M1AP: variants seen among roughly 807,000 people sequenced by gnomAD.
The protein encoded by M1AP is meiosis 1 arrest protein.
Under a neutral mutation model 51.2 loss-of-function variants are expected in M1AP, and 39 were observed. That is an observed-to-expected ratio of 0.76 (90% confidence interval 0.59 to 1.00). The LOEUF is 1.00. Ranked by LOEUF, M1AP falls within the 50% of genes least tolerant of loss-of-function variation. The pLI is 0.00. For synonymous variants in M1AP, 251 were observed against 249.2 expected (o/e 1.01, Z -0.07); for missense variants, 545 against 641.2 (o/e 0.85, Z 1.62).
At chr2:74,561,202 G>GAGGAGGAGGAGGAGA (rs1558643853) in intron 8 of M1AP, among the ~76,000 whole-genome samples, 13 of 120,516 alleles carry the variant, frequency 1.1e-4, no homozygotes, top group Middle Eastern at 4.1e-3. Flanking sequence ...GGAGGAGAAG[G>GAGGAGGAGGAGGAGA]AGGAGGAGGA....
In M1AP at chr2:74,575,564, G is replaced by A. The variant is rs749441207; in HGVS notation, c.948C>T (p.Ser316=). ...KLQVIKALKS[S]GLCESLTYGL... The stretch of plus-strand genomic sequence containing the variant: ...CATATGTCAATGACTCGCAGAGCCC[G>A]CTAGATTTTAAAGCCCTAGGAAGAG... The change falls in exon 7 of 11, where the codon AGC becomes AGT. Residue 316 remains serine, a synonymous_variant. Coordinates refer to ENST00000421985, the MANE Select transcript of M1AP (RefSeq NM_001321739.2). The A allele has an allele frequency of 2.0e-5, 32 of 1,613,708 alleles. No homozygotes were observed. Among genetic ancestry groups the A allele is most frequent in the South Asian group, 5.5e-5 (5 of 91,072 alleles).
chr2:74,593,329 A>C (rs918203061), intron 4 of M1AP, among the ~76,000 whole-genome samples: 1 of 152,234 alleles, frequency 6.6e-6, no homozygotes. Flanking sequence ...GTACCCAACA[A>C]ACTGATTTTC....
Position 74,594,748 on chromosome 2 carries a change from G to A in M1AP, c.595+12307C>T, listed in dbSNP as rs1055309002. ...AAAAATTAGCTGGGTGTGGTAGCAC[G>A]AGCCTGTGGTCCCAGCTACTTGGGA... On this transcript the variant is annotated intron_variant, in intron 4 of 10. Transcript: ENST00000421985. 2.9e-4 allele frequency among the ~76,000 whole-genome samples: 44 copies of A among 152,076 alleles called. 1 individual carries two copies. Among genetic ancestry groups the A allele is most frequent in the Admixed American group, 2.8e-3 (42 of 15,246 alleles).
chr2:74,615,262 ATTTAT>A, intron 2 of M1AP, 113 bp from the exon 3 acceptor site: 1 of 953,268 alleles, frequency 1.0e-6, no homozygotes, highest in Non-Finnish European at 1.6e-6. Flanking sequence ...CTTCCTGAAA[ATTTAT>A]TTGACCAACA....
At chr2:74,562,132 C>G in intron 8 of M1AP, 85 bp downstream of exon 8, 1 of 1,517,874 alleles carries the variant, frequency 6.6e-7, no homozygotes, top group South Asian at 1.3e-5. Flanking sequence ...CATCCATTCC[C>G]TCATGGGCTC....
In M1AP at chr2:74,581,130, G is replaced by A. The variant is rs570135332; in HGVS notation, c.769+544C>T. Among the ~76,000 whole-genome samples, 94 of 152,254 alleles carry A rather than the reference G, an allele frequency of 6.2e-4. 1 individual carries two copies. Among genetic ancestry groups the A allele is most frequent in the Middle Eastern group, 3.4e-3 (1 of 294 alleles). ...GACCAGAACACTGGATTGATCTCTCGGTTTCAGTAATTGCCTGAACTGCTT... is the reference window on the plus strand; with the variant it reads ...GACCAGAACACTGGATTGATCTCTCAGTTTCAGTAATTGCCTGAACTGCTT... On this transcript the variant is annotated intron_variant, in intron 5 of 10. Coordinates refer to ENST00000421985, the MANE Select transcript of M1AP (RefSeq NM_001321739.2).
rs541993045 is a variant in M1AP, at chr2:74,606,781, G to C, written c.595+274C>G. Among the ~76,000 whole-genome samples the C allele has an allele frequency of 7.2e-5, 11 of 152,176 alleles. No individual in the cohort carries two copies. The East Asian group carries it at 1.9e-3, about 27-fold the overall frequency. On this transcript the variant is annotated intron_variant, in intron 4 of 10. Transcript: ENST00000421985. ...TCAACTCCAACATCTAGAAACATCT[G>C]TCTGAACCTCAGTGAAATCTGCTGG...
intron 7 of M1AP, among the ~76,000 whole-genome samples, chr2:74,566,812 C>T (rs1678424513): frequency 6.6e-6 from 1 of 152,176 alleles, no homozygotes; most frequent in Admixed American, 6.5e-5. Flanking sequence ...TGGCTCATTG[C>T]CTGTGTACTT....
At chr2:74,583,966 C>T (rs1361581464) in intron 4 of M1AP, among the ~76,000 whole-genome samples, 2 of 152,174 alleles carry the variant, frequency 1.3e-5, no homozygotes, top group Non-Finnish European at 2.9e-5. Flanking sequence ...TTAGTTATTT[C>T]ATTCATTCCA....
At chr2:74,644,808 T>C (rs180878872) in intron 1 of M1AP, among the ~76,000 whole-genome samples, 1 of 152,282 alleles carries the variant, frequency 6.6e-6, no homozygotes, top group African/African-American at 2.4e-5. Flanking sequence ...AACTGTACTT[T>C]AAGTACATGG....
intron 2 of M1AP, among the ~76,000 whole-genome samples, chr2:74,637,508 T>C (rs954280748): frequency 1.3e-5 from 2 of 152,254 alleles, no homozygotes; most frequent in Non-Finnish European, 2.9e-5. Flanking sequence ...GTATGAATTT[T>C]ACCTTGATGG....
chr2:74,638,363 C>T lies in M1AP; in HGVS notation c.240+1673G>A, dbSNP rs183303398. On this transcript the variant is annotated intron_variant, in intron 2 of 10. Transcript: ENST00000421985. ...ATCACCCAGGGGGCTTTGTTCTTTG[C>T]TGCGTGATGTCCAGTGTTTTGAAAA... Among the ~76,000 whole-genome samples the T allele has an allele frequency of 1.7e-3, 258 of 152,238 alleles. 2 individuals carry two copies. The highest frequency in any genetic ancestry group is 3.0e-3 in the Non-Finnish European group (205 of 68,008).
At position 74,581,731 on chromosome 2, in the gene M1AP, G is replaced by A. The variant is rs756697116; in HGVS notation, c.712C>T (p.His238Tyr). 1.2e-6 allele frequency: 2 copies of A among 1,613,870 alleles called. No individual in the cohort carries two copies. The highest frequency in any genetic ancestry group is 2.7e-5 in the African/African-American group (2 of 74,896). The change falls in exon 5 of 11, where the codon CAT (histidine) becomes TAT (tyrosine). Residue 238 changes from histidine to tyrosine, a missense_variant. His to Tyr is a moderately conservative substitution (Grantham distance 83). Transcript: ENST00000421985. ...AAACACTGTGAAGAAAGAAGAAGATGGATTTGTTCTTGGTCTGTTCCACTG... is the reference window on the plus strand; with the variant it reads ...AAACACTGTGAAGAAAGAAGAAGATAGATTTGTTCTTGGTCTGTTCCACTG... The part of the protein sequence containing the change: ...HNSGTDQEQI[H>Y]LLLSSQCFSN...
chr2:74,608,962 C>A (rs1407443383), intron 3 of M1AP, among the ~76,000 whole-genome samples: 2 of 152,104 alleles, frequency 1.3e-5, no homozygotes, highest in Non-Finnish European at 2.9e-5. Context: ...AATAATTGTA[C>A]ACATTTACGG....
rs576490709 is a variant in M1AP, at chr2:74,645,889, G to A, written c.-53+2376C>T. On this transcript the variant is annotated intron_variant, in intron 1 of 10. Coordinates refer to ENST00000421985, the MANE Select transcript of M1AP (RefSeq NM_001321739.2). ...AGTAGAGGCAGTCCTCATTTTGCAT[G>A]GTTCAAGTATATAGATTTCAGTTAC... 9.2e-5 allele frequency among the ~76,000 whole-genome samples: 14 copies of A among 152,182 alleles called. No homozygotes were observed. In the East Asian group the frequency reaches 2.7e-3, roughly 29 times the overall value.
intron 1 of M1AP, 49 bp downstream of exon 1, chr2:74,648,216 C>G: frequency 4.1e-6 from 4 of 965,354 alleles, no homozygotes; most frequent in Non-Finnish European, 4.9e-6. Flanking sequence ...CGAAGTGGTG[C>G]CGGCTGCTCT....
Position 74,576,511 on chromosome 2 carries a change from G to T in M1AP, c.877C>A (p.Leu293Ile). 1 of 1,614,122 alleles carries T rather than the reference G, an allele frequency of 6.2e-7. No individual in the cohort carries two copies. Among genetic ancestry groups the T allele is most frequent in the Non-Finnish European group, 8.5e-7 (1 of 1,179,996 alleles). The change falls in exon 6 of 11, where the codon CTC becomes ATC. Residue 293 changes from leucine (L) to isoleucine (I), a missense_variant. Transcript: ENST00000421985. ...MDDPKGDFIT[L>I]YQMASQSSAS... ...GATGACTGGGAAGCCATCTGGTAGA[G>T]TGTGATGAAGTCTCCTTTAGGGTCA... is the stretch of plus-strand genomic sequence containing the variant.
chr2:74,583,687 T>C (rs978752678), intron 4 of M1AP, among the ~76,000 whole-genome samples: 1 of 152,206 alleles, frequency 6.6e-6, no homozygotes, highest in Non-Finnish European at 1.5e-5. Flanking sequence ...GTATGACTCA[T>C]AGACCCCAGG....
intron 2 of M1AP, among the ~76,000 whole-genome samples, chr2:74,628,065 A>G (rs1682501357): frequency 6.6e-6 from 1 of 152,218 alleles, no homozygotes; most frequent in South Asian, 2.1e-4. Flanking sequence ...GACCATGCGC[A>G]TACCTATGGA....
Sources: allele counts gnomAD v4.1 joint callset (sites outside exome capture counted in the v4.1 genomes callset), GRCh38; gene constraint gnomAD v4.1.1; transcripts MANE v1.5; gene names NCBI Gene and HGNC (gene_info 2026-07-23, HGNC 2026-07-21).